Variants in STARD8 observed in about 807,000 individuals in gnomAD.
STARD8 encodes StAR related lipid transfer domain containing 8.
A neutral mutation model predicts 69.4 loss-of-function variants in STARD8; 25 were observed. The ratio of observed to expected loss-of-function variants is 0.36; its 90% CI spans 0.26 to 0.50. The LOEUF is 0.50. STARD8 is among the 20% of genes least tolerant of loss of function. The pLI is 0.96. For synonymous variants in STARD8, 389 were observed against 374.6 expected, an observed-to-expected ratio of 1.04 and a Z score of -0.45; for missense variants, 921 against 932.5, an observed-to-expected ratio of 0.99 and a Z score of 0.16.
chrX:68,681,724 T>C (rs752270853), intron 2 of STARD8, among the ~76,000 whole-genome samples: 1 of 112,192 alleles, frequency 8.9e-6, no homozygotes. Flanking sequence ...CTGGCTTTCA[T>C]GGCTAACTAG....
chrX:68,692,109 A>T (rs1444928009), intron 2 of STARD8, among the ~76,000 whole-genome samples: 1 of 111,820 alleles, frequency 8.9e-6, no homozygotes, highest in Non-Finnish European at 1.9e-5. Flanking sequence ...AGCCTTAAGG[A>T]TGCTTACAAT....
chrX:68,705,369 G>A (rs1343055037), intron 2 of STARD8, among the ~76,000 whole-genome samples: 1 of 112,334 alleles, frequency 8.9e-6, no homozygotes, highest in Non-Finnish European at 1.9e-5. Flanking sequence ...TAACCTCAGG[G>A]TGCTCGTGAC....
At position 68,715,276 on chromosome X, in the gene STARD8, C is replaced by T. The variant is rs748133816; in HGVS notation, c.152-18C>T. The T allele has an allele frequency of 2.6e-5, 31 of 1,193,919 alleles. No homozygotes were observed. The highest frequency in any genetic ancestry group is 5.3e-5 in the African/African-American group (3 of 56,895). The stretch of plus-strand genomic sequence containing the variant: ...TGATATACCACTGCACTCATCTTTG[C>T]TTCTCTCTGCCATACAGAAGGTTCG... On this transcript the variant is annotated intron_variant, in intron 3 of 14. Coordinates refer to ENST00000374599, the MANE Select transcript of STARD8 (RefSeq NM_001142503.3).
At chrX:68,687,174 A>G (rs1244075645) in intron 2 of STARD8, among the ~76,000 whole-genome samples, 3 of 109,687 alleles carry the variant, frequency 2.7e-5, no homozygotes, top group Non-Finnish European at 5.7e-5. Flanking sequence ...TATCACTCCA[A>G]GGGCCTCTTA....
intron 2 of STARD8, among the ~76,000 whole-genome samples, chrX:68,701,667 A>T (rs1403114247): frequency 9.0e-6 from 1 of 111,363 alleles, no homozygotes; most frequent in African/African-American, 3.3e-5. Flanking sequence ...GGAGTTGGGC[A>T]GTGGGGGTGG....
intron 1 of STARD8, among the ~76,000 whole-genome samples, chrX:68,657,962 T>A (rs951023570): frequency 2.7e-5 from 3 of 110,745 alleles, no homozygotes; most frequent in African/African-American, 9.9e-5. Flanking sequence ...GGTGTACAAG[T>A]GGGAGGTCCC....
rs776252289 is a variant in STARD8 at position 68,723,743 on chromosome X, C to T, written c.2917C>T (p.Arg973Trp). 1.8e-5 allele frequency: 21 copies of T among 1,183,442 alleles called. No individual in the cohort carries two copies. In the East Asian group the frequency reaches 4.0e-4, roughly 23 times the overall value. The change falls in exon 13 of 15, where the codon CGG becomes TGG. Residue 973 changes from arginine to tryptophan, a missense_variant. Arg to Trp is a moderately radical substitution (Grantham distance 101). Coordinates refer to ENST00000374599, the MANE Select transcript of STARD8 (RefSeq NM_001142503.3). ...ERALWDEDLL[R>W]AQVLEALMPG... The stretch of plus-strand genomic sequence containing the variant: ...GGCCCTCTGGGATGAGGATCTGCTG[C>T]GGGCCCAGGTGCTGGAAGCCCTGAT...
chrX:68,721,130 G>T lies in STARD8; in HGVS notation c.2248+8G>T, dbSNP rs367607003. 110 of 1,207,372 alleles carry T rather than the reference G, an allele frequency of 9.1e-5. No individual in the cohort carries two copies. The highest frequency in any genetic ancestry group is 1.2e-4 in the Non-Finnish European group (104 of 893,459). On this transcript the variant is annotated splice_region_variant and intron_variant, in intron 9 of 14. Transcript: ENST00000374599. ...TCCTCCAGATCTACCAGCGTGAGTC[G>T]CCCACTCCTATCCCCAACAACCTGT...
At position 68,657,827 on chromosome X, in the gene STARD8, G is replaced by A. The variant is rs183591873; in HGVS notation, c.46-7672G>A. On this transcript the variant is annotated intron_variant, in intron 1 of 14. Transcript: ENST00000374599. ...AGATTGGATAATATTTGTTCTCGGG[G>A]GTGGAAGAGATGGGGACGAGCATTG... Among the ~76,000 whole-genome samples the A allele has an allele frequency of 1.4e-4, 16 of 110,810 alleles. No individual in the cohort carries two copies. The East Asian group carries it at 4.0e-3, about 28-fold the overall frequency.
At chrX:68,681,873 A>G (rs1434127207) in intron 2 of STARD8, among the ~76,000 whole-genome samples, 3 of 111,541 alleles carry the variant, frequency 2.7e-5, no homozygotes, top group Non-Finnish European at 5.7e-5. Context: ...TCATTGAGTC[A>G]TTTTTATGCT....
chrX:68,682,242 G>T (rs543169874), intron 2 of STARD8, among the ~76,000 whole-genome samples: 1 of 111,501 alleles, frequency 9.0e-6, no homozygotes, highest in Admixed American at 9.5e-5. Flanking sequence ...CAAGTGATCC[G>T]CCCACCTTGG....
Position 68,718,099 on chromosome X carries a change from G to T in STARD8, c.1185G>T (p.Val395=). Residue 395 remains valine, a synonymous_variant, in exon 6 of 15, where the codon GTG becomes GTT. Transcript: ENST00000374599. ...YAHLDDILQH[V]WGLQQRVELW... is the part of the protein sequence containing the mutation. ...ACCTAGACGACATCCTCCAGCACGTGTGGGGGCTACAGCAACGAGTAGAGC... is the reference window on the plus strand; with the variant it reads ...ACCTAGACGACATCCTCCAGCACGTTTGGGGGCTACAGCAACGAGTAGAGC... The T allele has an allele frequency of 8.3e-7, 1 of 1,211,875 alleles. No individual in the cohort carries two copies. The highest frequency in any genetic ancestry group is 1.1e-6 in the Non-Finnish European group (1 of 895,482).
chrX:68,672,120 C>T (rs1208950958), intron 2 of STARD8, among the ~76,000 whole-genome samples: 1 of 111,539 alleles, frequency 9.0e-6, no homozygotes, highest in Admixed American at 9.5e-5. Context: ...TATGGTGAAG[C>T]ATCCTTTTTC....
intron 3 of STARD8, among the ~76,000 whole-genome samples, chrX:68,713,844 A>T (rs1471513828): frequency 1.8e-5 from 2 of 111,900 alleles, no homozygotes; most frequent in Non-Finnish European, 3.8e-5. Context: ...ACAGCTGCCA[A>T]TTCAATCTCT....
chrX:68,655,188 A>G (rs1487812908), intron 1 of STARD8, among the ~76,000 whole-genome samples: 1 of 112,020 alleles, frequency 8.9e-6, no homozygotes, highest in African/African-American at 3.2e-5. Context: ...CCGCTTCCTC[A>G]GGACACTATT....
chrX:68,686,264 T>A (rs1483940827), intron 2 of STARD8, among the ~76,000 whole-genome samples: 2 of 107,724 alleles, frequency 1.9e-5, no homozygotes, highest in Non-Finnish European at 3.9e-5. Flanking sequence ...TGGAACTTTC[T>A]AATTGCGACT....
At chrX:68,700,647 G>A (rs1160321399) in intron 2 of STARD8, among the ~76,000 whole-genome samples, 1 of 112,623 alleles carries the variant, frequency 8.9e-6, no homozygotes, top group Non-Finnish European at 1.9e-5. Context: ...AAGTCAGGCT[G>A]TGGCAGAGGC....
Position 68,676,533 on chromosome X carries a change from T to TC in STARD8, c.79+11007dup, listed in dbSNP as rs1437971351. Among the ~76,000 whole-genome samples, 3 of 111,494 alleles carry TC rather than the reference T, an allele frequency of 2.7e-5. No homozygotes were observed. In the East Asian group the frequency reaches 8.5e-4, roughly 31 times the overall value. On this transcript the variant is annotated intron_variant, in intron 2 of 14. Transcript: ENST00000374599. ...TGTGCAATCTCTGAGATTCTTAGGCTCCCCCCAAACCCCGTCTCAACCTGT... is the reference window on the plus strand; with the variant it reads ...TGTGCAATCTCTGAGATTCTTAGGCTCCCCCCCAAACCCCGTCTCAACCTGT...
intron 2 of STARD8, among the ~76,000 whole-genome samples, chrX:68,703,453 C>T (rs1371146237): frequency 1.8e-5 from 2 of 112,649 alleles, no homozygotes; most frequent in African/African-American, 6.4e-5. Context: ...ACCCTTGCCC[C>T]CAGAGCCCTA....
Sources: gnomAD v4.1 joint callset for allele counts (sites outside exome capture counted in the v4.1 genomes callset) on GRCh38, gnomAD v4.1.1 for gene constraint, MANE v1.5 for transcripts, NCBI Gene and HGNC (gene_info 2026-07-23, HGNC 2026-07-21) for gene names.